Variants in ZNF597 observed in about 807,000 individuals in gnomAD.
ZNF597 encodes zinc finger protein 597.
A neutral mutation model predicts 7.3 loss-of-function variants in ZNF597; 5 were observed. The observed-to-expected ratio is 0.68, with a 90% confidence interval of 0.36 to 1.44. ZNF597 has a LOEUF of 1.44. Ranked by LOEUF, ZNF597 falls within the 40% of genes most tolerant of loss-of-function variation. ZNF597 has a pLI of 0.04. For synonymous variants in ZNF597, 209 were observed against 185.4 expected (o/e 1.13, Z -1.04); for missense variants, 585 against 517.9 (o/e 1.13, Z -1.26).
In ZNF597 at chr16:3,436,202, T is replaced by C; in HGVS notation, c.*222A>G. 3 of 559,232 alleles carry C rather than the reference T, an allele frequency of 5.4e-6. No homozygotes were observed. The highest frequency in any genetic ancestry group is 4.7e-4 in the Middle Eastern group (1 of 2,148). The allele number at this position is 559,232 out of a possible 1,614,324, so 34.6% of individuals were successfully genotyped here. On this transcript the variant is annotated 3_prime_UTR_variant, in exon 4 of 4. Coordinates refer to ENST00000301744, the MANE Select transcript of ZNF597 (RefSeq NM_152457.3). ...GCTCACAGTTGTACAGTAACTGAGT[T>C]CAAATCCTGGGTTCATTCACTAGTT...
intron 2 of ZNF597, among the ~76,000 whole-genome samples, chr16:3,441,519 T>G (rs2034370126): frequency 6.6e-6 from 1 of 152,208 alleles, no homozygotes; most frequent in Non-Finnish European, 1.5e-5. Context: ...AAATTCTGTC[T>G]GCACTAAATA....
At position 3,437,148 on chromosome 16, in the gene ZNF597, T is replaced by A; in HGVS notation, c.551A>T (p.His184Leu). ...HQKIHSGEKK[H>L]KCGDCGKIFN... ...GATCTTTCCACAGTCACCACATTTA[T>A]GTTTTTTCTCTCCTGAATGAATTTT... Residue 184 changes from histidine to leucine, a missense_variant, in exon 4 of 4, where the codon CAT (histidine) becomes CTT (leucine). Physicochemically the swap from His to Leu is moderately conservative, Grantham distance 99 (BLOSUM62 -3). Transcript: ENST00000301744. 6.2e-7 allele frequency: 1 copy of A among 1,614,224 alleles called. No individual in the cohort carries two copies. Among genetic ancestry groups the A allele is most frequent in the African/African-American group, 1.3e-5 (1 of 75,066 alleles).
rs1246747068 is a variant in ZNF597, at chr16:3,434,028, A to C, written c.*2396T>G. 1 of 152,238 alleles carries C rather than the reference A, an allele frequency of 6.6e-6. No individual in the cohort carries two copies. Among genetic ancestry groups the C allele is most frequent in the Admixed American group, 6.5e-5 (1 of 15,276 alleles). The allele number at this position is 152,238 out of a possible 1,614,324, so 9.4% of individuals were successfully genotyped here. A position where few individuals can be genotyped will look rare whatever the true frequency, so the allele number is the denominator to read the frequency against. On this transcript the variant is annotated 3_prime_UTR_variant, in exon 4 of 4. Coordinates refer to ENST00000301744, the MANE Select transcript of ZNF597 (RefSeq NM_152457.3). ...TGAAGGAAGACTCGTGTGGAAAGGCAAACTTCCATATTAAGGTGCAGAACA... is the reference window on the plus strand; with the variant it reads ...TGAAGGAAGACTCGTGTGGAAAGGCCAACTTCCATATTAAGGTGCAGAACA...
At position 3,436,496 on chromosome 16, in the gene ZNF597, C is replaced by T. The variant is rs1320523755; in HGVS notation, c.1203G>A (p.Val401=). 2 of 1,614,126 alleles carry T rather than the reference C, an allele frequency of 1.2e-6. No individual in the cohort carries two copies. Among genetic ancestry groups the T allele is most frequent in the African/African-American group, 1.3e-5 (1 of 74,946 alleles). Residue 401 remains valine, a synonymous_variant, in exon 4 of 4, where the codon GTG becomes GTA. Coordinates refer to ENST00000301744, the MANE Select transcript of ZNF597 (RefSeq NM_152457.3). The part of the protein sequence containing the change: ...HMLAEPFKCT[V]CGKTFKSNLH... ...AATTCGACTTGAAAGTTTTCCCACA[C>T]ACGGTACATTTAAAAGGTTCCGCTA...
Position 3,435,022 on chromosome 16 carries a change from T to C in ZNF597, c.*1402A>G, listed in dbSNP as rs1441619423. ...TAATAATATTTTGCTCCAGTATTTA[T>C]CTATAATAGCAATATCTAAAGATCT... On this transcript the variant is annotated 3_prime_UTR_variant, in exon 4 of 4. Transcript: ENST00000301744. The C allele has an allele frequency of 2.0e-5, 3 of 152,210 alleles. No homozygotes were observed. Among genetic ancestry groups the C allele is most frequent in the African/African-American group, 7.2e-5 (3 of 41,454 alleles). The allele number at this position is 152,210 out of a possible 1,614,324, so 9.4% of individuals were successfully genotyped here.
At chr16:3,441,069 A>T in intron 2 of ZNF597, 136 bp from the exon 3 acceptor site, 12 of 1,173,604 alleles carry the variant, frequency 1.0e-5, no homozygotes, top group Admixed American at 2.8e-5. Context: ...TGAGCGCAGA[A>T]GTAGGGCAAA....
chr16:3,443,298 C>A (rs2034422934), intron 1 of ZNF597, 62 bp downstream of exon 1: 1 of 763,862 alleles, frequency 1.3e-6, no homozygotes, highest in Non-Finnish European at 2.0e-6. Flanking sequence ...TCCGAACCCC[C>A]CCTTAAAAAC....
At chr16:3,442,401 C>T (rs186653029) in intron 2 of ZNF597, among the ~76,000 whole-genome samples, 41 of 152,234 alleles carry the variant, frequency 2.7e-4, no homozygotes, top group African/African-American at 9.1e-4. Flanking sequence ...TTAGGCCGGG[C>T]GCAGTGGCTC....
At chr16:3,437,832 C>A (rs2034321532) in intron 3 of ZNF597, among the ~76,000 whole-genome samples, 1 of 152,206 alleles carries the variant, frequency 6.6e-6, no homozygotes, top group Non-Finnish European at 1.5e-5. Flanking sequence ...TGAACTTTTC[C>A]ATCTAATCTA....
Position 3,436,606 on chromosome 16 carries a change from C to G in ZNF597, c.1093G>C (p.Glu365Gln). 2 of 1,605,904 alleles carry G rather than the reference C, an allele frequency of 1.2e-6. No homozygotes were observed. The highest frequency in any genetic ancestry group is 8.5e-7 in the Non-Finnish European group (1 of 1,175,554). Reference sequence around the variant, plus strand: ...GTTTTGCACTTATGGGGCCTTTCCTCTGTATGAATGTTCTGATGGGAAATA... The same window carrying G: ...GTTTTGCACTTATGGGGCCTTTCCTGTGTATGAATGTTCTGATGGGAAATA... ...ELISHQNIHT[E>Q]ERPHKCKTCE... Residue 365 changes from glutamate (E) to glutamine (Q), a missense_variant, in exon 4 of 4, where the codon GAG becomes CAG. Transcript: ENST00000301744.
In ZNF597 at chr16:3,443,224, A is replaced by C; in HGVS notation, c.-53-18T>G. The stretch of plus-strand genomic sequence containing the variant: ...TGACAAAGCTGCGGGGGGAGAGAAC[A>C]GTTCTTAAAGGGACCAATTCCGCTG... On this transcript the variant is annotated intron_variant, in intron 1 of 3. Transcript: ENST00000301744. 1 of 1,498,432 alleles carries C rather than the reference A, an allele frequency of 6.7e-7. No homozygotes were observed. 92.8% of individuals were successfully genotyped at this position (1,498,432 alleles called of 1,614,324 possible).
In ZNF597 at chr16:3,437,177, A is replaced by G; in HGVS notation, c.522T>C (p.His174=). Residue 174 remains histidine (H), a synonymous_variant, in exon 4 of 4, where the codon CAT becomes CAC. Coordinates refer to ENST00000301744, the MANE Select transcript of ZNF597 (RefSeq NM_152457.3). ...NFSDHSYLVL[H]QKIHSGEKKH... ...TTTTCTCTCCTGAATGAATTTTCTG[A>G]TGCAAAACTAGGTATGAATGATCGC... The G allele has an allele frequency of 6.2e-7, 1 of 1,614,216 alleles. No homozygotes were observed. The highest frequency in any genetic ancestry group is 1.3e-5 in the African/African-American group (1 of 75,050).
Position 3,442,879 on chromosome 16 carries a change from T to C in ZNF597, c.33+242A>G, listed in dbSNP as rs373739579. ...CAAAACAAAACAAACAGATAAGACA[T>C]TGAGAAACTCTCTCAGAGATTCCTC... On this transcript the variant is annotated intron_variant, in intron 2 of 3. Coordinates refer to ENST00000301744, the MANE Select transcript of ZNF597 (RefSeq NM_152457.3). Among the ~76,000 whole-genome samples the C allele has an allele frequency of 5.3e-5, 8 of 152,060 alleles. No homozygotes were observed. The East Asian group carries it at 1.2e-3, about 22-fold the overall frequency.
At chr16:3,443,295 C>G (rs912393858) in intron 1 of ZNF597, 65 bp downstream of exon 1, 2 of 812,872 alleles carry the variant, frequency 2.5e-6, no homozygotes, top group Non-Finnish European at 3.7e-6. Context: ...CCCTCCGAAC[C>G]CCCCCTTAAA....
chr16:3,442,851 A>G (rs924050461), intron 2 of ZNF597, among the ~76,000 whole-genome samples: 1 of 151,690 alleles, frequency 6.6e-6, no homozygotes, highest in African/African-American at 2.4e-5. Context: ...CCCTATCTCC[A>G]AACAAAACAA....
Position 3,437,318 on chromosome 16 carries a change from G to T in ZNF597, c.381C>A (p.Thr127=), listed in dbSNP as rs775811816. The T allele has an allele frequency of 4.3e-6, 7 of 1,613,948 alleles. No individual in the cohort carries two copies. Among genetic ancestry groups the T allele is most frequent in the Admixed American group, 3.3e-5 (2 of 59,984 alleles). ...AATATTCAGAGAGTTCTACTAATGG[G>T]GTGTGGTTTTCAATGGTAACTAAAA... ...ISLLVTIENH[T]PLVELSEYLG... Residue 127 remains threonine (T), a synonymous_variant, in exon 4 of 4, where the codon ACC becomes ACA. Coordinates refer to ENST00000301744, the MANE Select transcript of ZNF597 (RefSeq NM_152457.3).
At position 3,440,811 on chromosome 16, in the gene ZNF597, C is replaced by G. The variant is rs766550281; in HGVS notation, c.156G>C (p.Leu52Phe). The G allele has an allele frequency of 8.7e-6, 14 of 1,613,752 alleles. No individual in the cohort carries two copies. Among genetic ancestry groups the G allele is most frequent in the Non-Finnish European group, 1.2e-5 (14 of 1,179,830 alleles). ...GTKESLEDAA[L>F]MGEEGKPEIN... ...CAGGAAAAACAATTGCCTTACCCAT[C>G]AAAGCCGCATCCTCCAAAGACTCTT... is the stretch of plus-strand genomic sequence containing the variant. Residue 52 changes from leucine (L) to phenylalanine (F), a missense_variant, in exon 3 of 4, where the codon TTG becomes TTC. Physicochemically the swap from Leu to Phe is conservative, Grantham distance 22. Transcript: ENST00000301744.
At chr16:3,443,070 C>A (rs373147969) in intron 2 of ZNF597, 51 bp downstream of exon 2, 1 of 1,612,504 alleles carries the variant, frequency 6.2e-7, no homozygotes, top group African/African-American at 1.3e-5. Flanking sequence ...GGGGGTCAGG[C>A]AGAGACCGAA....
intron 2 of ZNF597, among the ~76,000 whole-genome samples, chr16:3,441,198 AGAT>A (rs1009225810): frequency 2.0e-5 from 3 of 152,166 alleles, no homozygotes; most frequent in African/African-American, 7.2e-5. Context: ...GAAAGAGAAA[AGAT>A]GAGGGAATGG....
Sources: gnomAD v4.1 joint callset for allele counts (sites outside exome capture counted in the v4.1 genomes callset) on GRCh38, gnomAD v4.1.1 for gene constraint, MANE v1.5 for transcripts, NCBI Gene and HGNC (gene_info 2026-07-23, HGNC 2026-07-21) for gene names.